CCNYL1: variants seen among roughly 807,000 people sequenced by gnomAD.
CCNYL1 encodes cyclin Y like 1, also known as cyclin-Y-like protein 1.
CCNYL1 carries 16 observed loss-of-function variants against 44.2 expected under a neutral mutation model. That is an observed-to-expected ratio of 0.36 (90% CI 0.25 to 0.55). CCNYL1 has a LOEUF of 0.55. Among genes scored for constraint, CCNYL1 ranks in the 20% least tolerant of loss-of-function variants. The pLI is 0.85. For missense variants in CCNYL1, 348 were observed against 451.8 expected (o/e 0.77, Z 2.08); for synonymous variants, 159 against 163.2 (o/e 0.97, Z 0.20).
intron 3 of CCNYL1, among the ~76,000 whole-genome samples, chr2:207,728,442 A>C (rs947727015): frequency 2.0e-5 from 3 of 151,752 alleles, no homozygotes; most frequent in African/African-American, 7.3e-5. Flanking sequence ...TGTCCAGCTA[A>C]TTTTTGTATT....
chr2:207,750,254 CAA>C (rs1264153446), intron 8 of CCNYL1, among the ~76,000 whole-genome samples: 1 of 152,140 alleles, frequency 6.6e-6, no homozygotes, highest in Non-Finnish European at 1.5e-5. Context: ...TTCTGCCTTC[CAA>C]AGTTTAAAGA....
At chr2:207,736,801 G>T (rs1187943672) in intron 4 of CCNYL1, among the ~76,000 whole-genome samples, 2 of 152,056 alleles carry the variant, frequency 1.3e-5, no homozygotes, top group Non-Finnish European at 2.9e-5. Flanking sequence ...TATACAAATA[G>T]GTAGAACTTG....
intron 3 of CCNYL1, among the ~76,000 whole-genome samples, chr2:207,729,962 C>T (rs1355763951): frequency 6.6e-6 from 1 of 152,064 alleles, no homozygotes; most frequent in African/African-American, 2.4e-5. Context: ...GTTCACCCAC[C>T]TCAGCCTCCC....
chr2:207,724,406 A>G (rs189600888), intron 1 of CCNYL1, among the ~76,000 whole-genome samples: 33 of 152,340 alleles, frequency 2.2e-4, no homozygotes, highest in Admixed American at 3.9e-4. Flanking sequence ...GGTGCCTGAC[A>G]GTAACTGGCC....
intron 1 of CCNYL1, among the ~76,000 whole-genome samples, chr2:207,720,187 CAAAAAAAA>C (rs747214958): frequency 5.2e-5 from 3 of 57,904 alleles, no homozygotes; most frequent in Admixed American, 2.4e-4. Flanking sequence ...GACTCCGTCT[CAAAAAAAA>C]AAAAAAAAAA....
Position 207,751,041 on chromosome 2 carries a change from C to T in CCNYL1, c.891C>T (p.Asp297=), listed in dbSNP as rs756885578. ...PASVYAKYYF[D]LRSLADDNNL... ...GTGTTTATGCCAAATACTACTTTGA[C>T]CTTCGCTCCTTAGCAGATGACAACA... Residue 297 remains aspartate (D), a synonymous_variant, in exon 9 of 10, where the codon GAC becomes GAT. Coordinates refer to ENST00000295414, the MANE Select transcript of CCNYL1 (RefSeq NM_001330218.2). 20 of 1,613,852 alleles carry T rather than the reference C, an allele frequency of 1.2e-5. No homozygotes were observed. The highest frequency in any genetic ancestry group is 1.5e-5 in the Non-Finnish European group (18 of 1,179,886).
intron 5 of CCNYL1, among the ~76,000 whole-genome samples, chr2:207,739,745 C>T (rs2091793907): frequency 6.6e-6 from 1 of 152,144 alleles, no homozygotes; most frequent in African/African-American, 2.4e-5. Context: ...ATTTTTACTG[C>T]TTCAGCAAGG....
At chr2:207,750,849 T>TAAA (rs2105842371) in intron 8 of CCNYL1, 108 bp from the exon 9 acceptor site, 1 of 927,108 alleles carries the variant, frequency 1.1e-6, no homozygotes, top group African/African-American at 1.7e-5. Flanking sequence ...GCCTATATTT[T>TAAA]AAAATAGAGT....
chr2:207,746,816 A>C (rs2091857839), intron 7 of CCNYL1, among the ~76,000 whole-genome samples: 1 of 152,158 alleles, frequency 6.6e-6, no homozygotes, highest in African/African-American at 2.4e-5. Context: ...TCTCTACTGA[A>C]AATACAAAAA....
intron 4 of CCNYL1, among the ~76,000 whole-genome samples, chr2:207,735,154 A>T (rs2091755378): frequency 6.6e-6 from 1 of 152,168 alleles, no homozygotes; most frequent in African/African-American, 2.4e-5. Context: ...TAATTTTTAG[A>T]TGTCTACTTT....
At position 207,724,875 on chromosome 2, in the gene CCNYL1, G is replaced by A; in HGVS notation, c.295+1G>A. On this transcript the variant is annotated splice_donor_variant, in intron 2 of 9. Transcript: ENST00000295414. LOFTEE classifies it high-confidence loss of function. ...TTCCTGAGCAAATCTCAAACGGATG[G>A]TAAGACAATACTGTTTTTTCCTTCC... 6.2e-7 allele frequency: 1 copy of A among 1,609,350 alleles called. No individual in the cohort carries two copies. Among genetic ancestry groups the A allele is most frequent in the Non-Finnish European group, 8.5e-7 (1 of 1,177,040 alleles).
intron 8 of CCNYL1, among the ~76,000 whole-genome samples, chr2:207,748,110 T>A (rs1284345746): frequency 6.6e-6 from 1 of 152,212 alleles, no homozygotes; most frequent in Non-Finnish European, 1.5e-5. Context: ...TTCCACATTT[T>A]ATCTGAAGGT....
chr2:207,716,301 A>T (rs1376333303), intron 1 of CCNYL1, among the ~76,000 whole-genome samples: 1 of 150,682 alleles, frequency 6.6e-6, no homozygotes, highest in African/African-American at 2.4e-5. Flanking sequence ...TCTGAGCAAC[A>T]GATCTTTCCT....
chr2:207,726,929 CTG>C (rs1412472277), intron 3 of CCNYL1, 53 bp downstream of exon 3: 2 of 1,294,312 alleles, frequency 1.5e-6, no homozygotes, highest in African/African-American at 3.1e-5. Flanking sequence ...AAAAGTATGT[CTG>C]TCATGATTCC....
chr2:207,714,844 T>C (rs2091580943), intron 1 of CCNYL1: 1 of 153,674 alleles, frequency 6.5e-6, no homozygotes, highest in Non-Finnish European at 1.4e-5. Flanking sequence ...TTGCCTATTA[T>C]TCATAAGTTT....
chr2:207,729,464 T>G (rs1016479620), intron 3 of CCNYL1, among the ~76,000 whole-genome samples: 2 of 152,132 alleles, frequency 1.3e-5, no homozygotes, highest in Admixed American at 1.3e-4. Context: ...CCTATTGTTT[T>G]GCTCTCTCTT....
chr2:207,737,861 T>A (rs548179576), intron 5 of CCNYL1, among the ~76,000 whole-genome samples: 13 of 152,326 alleles, frequency 8.5e-5, no homozygotes, highest in African/African-American at 3.1e-4. Flanking sequence ...AATCATATTG[T>A]TAACATAAAT....
chr2:207,717,253 AT>A (rs1422859912), intron 1 of CCNYL1, among the ~76,000 whole-genome samples: 2 of 152,146 alleles, frequency 1.3e-5, no homozygotes, highest in East Asian at 3.8e-4. Flanking sequence ...ACTTTAAAAG[AT>A]TTGATGCTTA....
chr2:207,715,218 A>C (rs1343211665), intron 1 of CCNYL1, among the ~76,000 whole-genome samples: 1 of 152,106 alleles, frequency 6.6e-6, no homozygotes, highest in Non-Finnish European at 1.5e-5. Flanking sequence ...CAGTGAGCTG[A>C]GATCGTGCCA....
Sources: gnomAD v4.1 joint callset for allele counts (sites outside exome capture counted in the v4.1 genomes callset) on GRCh38, gnomAD v4.1.1 for gene constraint, MANE v1.5 for transcripts, NCBI Gene and HGNC (gene_info 2026-07-23, HGNC 2026-07-21) for gene names.